PRKG1: variants seen among roughly 807,000 people sequenced by gnomAD.
The protein encoded by PRKG1 is cGMP-dependent protein kinase 1.
Under a neutral mutation model 88.1 loss-of-function variants are expected in PRKG1, and 35 were observed. The ratio of observed to expected loss-of-function variants is 0.40; its 90% CI spans 0.30 to 0.53. The LOEUF (loss-of-function observed/expected upper bound fraction) is 0.53, where lower values mean the gene tolerates loss of function less well. Ranked by LOEUF, PRKG1 falls within the 20% of genes least tolerant of loss-of-function variation. PRKG1 has a pLI of 0.59. For synonymous variants in PRKG1, 303 were observed against 292.5 expected (o/e 1.04, Z -0.37); for missense variants, 540 against 839.8 (o/e 0.64, Z 4.41).
At chr10:51,671,129 G>C (rs542428913) in intron 3 of PRKG1, among the ~76,000 whole-genome samples, 31 of 152,066 alleles carry the variant, frequency 2.0e-4, no homozygotes, top group South Asian at 4.1e-4. Context: ...GCTAAATTCT[G>C]CTTTATGATC....
chr10:51,515,624 C>G (rs779369914), intron 3 of PRKG1, among the ~76,000 whole-genome samples: 18 of 152,208 alleles, frequency 1.2e-4, no homozygotes, highest in Non-Finnish European at 2.2e-4. Flanking sequence ...TTCTCCTCCT[C>G]TGTTGAATTT....
At chr10:51,413,296 A>G (rs759560348) in intron 2 of PRKG1, among the ~76,000 whole-genome samples, 1 of 152,082 alleles carries the variant, frequency 6.6e-6, no homozygotes, top group Non-Finnish European at 1.5e-5. Context: ...AAGTGGGAAG[A>G]GTTATAACTT....
At chr10:51,823,959 G>A (rs534197575) in intron 4 of PRKG1, among the ~76,000 whole-genome samples, 11 of 135,854 alleles carry the variant, frequency 8.1e-5, no homozygotes, top group South Asian at 2.5e-4. Context: ...CTGAAGCCTC[G>A]AACTACTGGG....
intron 2 of PRKG1, among the ~76,000 whole-genome samples, chr10:51,258,306 A>G (rs939344974): frequency 6.6e-6 from 1 of 152,220 alleles, no homozygotes; most frequent in Admixed American, 6.5e-5. Flanking sequence ...AGCTACTTTT[A>G]CCATTCTTAT....
chr10:51,509,832 G>C (rs1417435208), intron 3 of PRKG1, among the ~76,000 whole-genome samples: 1 of 152,186 alleles, frequency 6.6e-6, no homozygotes, highest in Non-Finnish European at 1.5e-5. Context: ...CCTAGTGTTA[G>C]GATTAAAGTC....
At chr10:51,036,181 G>A (rs765389198) in intron 1 of PRKG1, among the ~76,000 whole-genome samples, 78 of 152,118 alleles carry the variant, frequency 5.1e-4, no homozygotes, top group African/African-American at 1.9e-3. Flanking sequence ...ATGTCATTAG[G>A]TTTTTCTGTT....
chr10:51,435,763 A>T (rs1838910186), intron 2 of PRKG1, among the ~76,000 whole-genome samples: 1 of 152,020 alleles, frequency 6.6e-6, no homozygotes, highest in South Asian at 2.1e-4. Context: ...TTCCAGGCAC[A>T]TCAACAGGTA....
chr10:52,241,711 G>A (rs1035804444), intron 9 of PRKG1, among the ~76,000 whole-genome samples: 1 of 152,072 alleles, frequency 6.6e-6, no homozygotes, highest in African/African-American at 2.4e-5. Context: ...AGAGAACACA[G>A]CAAAAATTTG....
chr10:51,804,252 G>A (rs1368159482), intron 3 of PRKG1, among the ~76,000 whole-genome samples: 2 of 151,754 alleles, frequency 1.3e-5, no homozygotes, highest in Non-Finnish European at 2.9e-5. Context: ...TTTTCTTCAC[G>A]CTATTTTCTT....
intron 1 of PRKG1, among the ~76,000 whole-genome samples, chr10:51,058,680 T>C (rs1843660882): frequency 6.6e-6 from 1 of 152,184 alleles, no homozygotes; most frequent in East Asian, 1.9e-4. Flanking sequence ...TCAGCTTTTC[T>C]CCTTACAATG....
intron 4 of PRKG1, among the ~76,000 whole-genome samples, chr10:51,854,291 C>T (rs1298638557): frequency 6.6e-6 from 1 of 152,000 alleles, no homozygotes; most frequent in African/African-American, 2.4e-5. Flanking sequence ...AAAAAAATAG[C>T]TTTGATAGAA....
chr10:51,041,786 G>A (rs1019514143), intron 1 of PRKG1, among the ~76,000 whole-genome samples: 9 of 152,198 alleles, frequency 5.9e-5, no homozygotes, highest in African/African-American at 2.2e-4. Flanking sequence ...GCATGGTTAT[G>A]AGGAGTGGTG....
intron 7 of PRKG1, among the ~76,000 whole-genome samples, chr10:52,078,608 C>A (rs1307606371): frequency 1.3e-5 from 2 of 152,146 alleles, no homozygotes; most frequent in Non-Finnish European, 2.9e-5. Context: ...CTACCATATA[C>A]CACAATTATT....
chr10:51,707,589 CTTTTT>C (rs397959919), intron 3 of PRKG1, among the ~76,000 whole-genome samples: 18 of 147,524 alleles, frequency 1.2e-4, no homozygotes, highest in Admixed American at 2.0e-4. Context: ...ACGCATGAAT[CTTTTT>C]TTTTTTTCCT....
intron 1 of PRKG1, among the ~76,000 whole-genome samples, chr10:51,120,323 C>T (rs1845230196): frequency 6.6e-6 from 1 of 152,016 alleles, no homozygotes; most frequent in Admixed American, 6.6e-5. Flanking sequence ...TCCGATTTTT[C>T]TGGTATTGCC....
chr10:51,387,638 G>T (rs966951489), intron 2 of PRKG1, among the ~76,000 whole-genome samples: 1 of 152,076 alleles, frequency 6.6e-6, no homozygotes, highest in Non-Finnish European at 1.5e-5. Context: ...ACAAATATTC[G>T]AAAGGCCAGC....
rs377559253 is a variant in PRKG1 at position 51,490,160 on chromosome 10, T to C, written c.592+22324T>C. Among the ~76,000 whole-genome samples, 9 of 152,176 alleles carry C rather than the reference T, an allele frequency of 5.9e-5. No homozygotes were observed. In the East Asian group the frequency reaches 1.2e-3, roughly 20 times the overall value. On this transcript the variant is annotated intron_variant, in intron 3 of 17. Coordinates refer to ENST00000373980, the MANE Select transcript of PRKG1 (RefSeq NM_006258.4). ...TGAATCAGAATTCCCTTTACAGCTC[T>C]GACTGATTTGAACAAAGTTACATGT...
rs534693089 is a variant in PRKG1, at chr10:51,341,805, G to T, written c.479-125918G>T. On this transcript the variant is annotated intron_variant, in intron 2 of 17. Transcript: ENST00000373980. ...TTTAATGGACTCAGAGTTCCCCATG[G>T]CTGGGGAGGCCTCACAATCATGGCA... Among the ~76,000 whole-genome samples the T allele has an allele frequency of 2.0e-5, 3 of 152,294 alleles. No homozygotes were observed. The East Asian group carries it at 5.8e-4, about 29-fold the overall frequency.
chr10:52,125,462 C>T (rs951883787), intron 7 of PRKG1, among the ~76,000 whole-genome samples: 2 of 152,118 alleles, frequency 1.3e-5, no homozygotes, highest in Non-Finnish European at 2.9e-5. Context: ...TGATTGCATG[C>T]TATTTGATCA....
Sources: gnomAD v4.1 joint callset for allele counts (sites outside exome capture counted in the v4.1 genomes callset) on GRCh38, gnomAD v4.1.1 for gene constraint, MANE v1.5 for transcripts, NCBI Gene and HGNC (gene_info 2026-07-23, HGNC 2026-07-21) for gene names.